ANKRD35: variants seen among roughly 807,000 people sequenced by gnomAD.
The protein encoded by ANKRD35 is ankyrin repeat domain-containing protein 35.
Under a neutral mutation model 109.9 loss-of-function variants are expected in ANKRD35, and 102 were observed. The ratio of observed to expected loss-of-function variants is 0.93; its 90% CI spans 0.79 to 1.09. The LOEUF (loss-of-function observed/expected upper bound fraction) is 1.09. ANKRD35 is among the 50% of genes least tolerant of loss of function. The probability of loss-of-function intolerance (pLI) is 0.00; values close to 1 mark genes in which losing one functional copy is unlikely to be tolerated. For missense variants in ANKRD35, 1,240 were observed against 1,230.1 expected (o/e 1.01, Z -0.12); for synonymous variants, 515 against 512.4 (o/e 1.01, Z -0.07).
Position 145,872,834 on chromosome 1 carries a change from T to C in ANKRD35, c.1935A>G (p.Leu645=), listed in dbSNP as rs1417003591. The C allele has an allele frequency of 6.2e-7, 1 of 1,614,078 alleles. No individual in the cohort carries two copies. The highest frequency in any genetic ancestry group is 2.2e-5 in the East Asian group (1 of 44,874). Residue 645 remains leucine, a synonymous_variant, in exon 10 of 14, where the codon CTA becomes CTG. Coordinates refer to ENST00000355594, the MANE Select transcript of ANKRD35 (RefSeq NM_144698.5). ...GRERQRLQRE[L]QSLSQRLQRE... ...GCTGCAGCCGCTGGCTCAGGGACTG[T>C]AGCTCCCTCTGCAACCTCTGCCGCT...
At chr1:145,885,621 A>G in intron 1 of ANKRD35, 99 bp downstream of exon 1, 2 of 1,385,552 alleles carry the variant, frequency 1.4e-6, no homozygotes, top group Non-Finnish European at 1.0e-6. Context: ...AAAGACTGAT[A>G]AAAAGAAAAG....
Position 145,872,779 on chromosome 1 carries a change from C to A in ANKRD35, c.1990G>T (p.Val664Phe). 1 of 1,614,118 alleles carries A rather than the reference C, an allele frequency of 6.2e-7. No homozygotes were observed. The highest frequency in any genetic ancestry group is 8.5e-7 in the Non-Finnish European group (1 of 1,179,988). The change falls in exon 10 of 14, where the codon GTC becomes TTC. Residue 664 changes from valine to phenylalanine, a missense_variant. By Grantham distance (50) the Val-to-Phe change is conservative. Transcript: ENST00000355594. ...CTCTGTCGCAACTGCTGTAGCTGGA[C>A]CTGCGCCTGTGGCTTGGGCACAAAC... Reference protein sequence around the residue: ...REFVPKPQAQVQLQQLRQSVG... With the variant: ...REFVPKPQAQFQLQQLRQSVG...
Position 145,879,399 on chromosome 1 carries a change from G to C in ANKRD35, c.40-11C>G. The C allele has an allele frequency of 1.3e-6, 2 of 1,539,296 alleles. No individual in the cohort carries two copies. Among genetic ancestry groups the C allele is most frequent in the African/African-American group, 1.4e-5 (1 of 72,074 alleles). ...GTTCCATCTCTCCACCTGGTCCAGAGCCACAGGTTGTGTGAATATAGGGCA... is the reference window on the plus strand; with the variant it reads ...GTTCCATCTCTCCACCTGGTCCAGACCCACAGGTTGTGTGAATATAGGGCA... On this transcript the variant is annotated splice_polypyrimidine_tract_variant and intron_variant, in intron 1 of 13. Coordinates refer to ENST00000355594, the MANE Select transcript of ANKRD35 (RefSeq NM_144698.5).
intron 2 of ANKRD35, 135 bp downstream of exon 2, chr1:145,879,123 A>G (rs1463212934): frequency 2.5e-6 from 3 of 1,199,486 alleles, no homozygotes; most frequent in Non-Finnish European, 1.1e-6. Flanking sequence ...GCAAAAAACT[A>G]TTGATATACT....
Position 145,878,095 on chromosome 1 carries a change from G to A in ANKRD35, c.260-63C>T, listed in dbSNP as rs926602969. 3.5e-6 allele frequency: 5 copies of A among 1,434,282 alleles called. No homozygotes were observed. The Admixed American group carries it at 8.4e-5, about 24-fold the overall frequency. The allele number at this position is 1,434,282 out of a possible 1,614,324, so 88.8% of individuals were successfully genotyped here. On this transcript the variant is annotated intron_variant, in intron 3 of 13. Coordinates refer to ENST00000355594, the MANE Select transcript of ANKRD35 (RefSeq NM_144698.5). ...CCCATGCATGCTGATGACTCACAGG[G>A]AGGGAAGGCAAGAGACGCACAGATA... is the stretch of plus-strand genomic sequence containing the variant.
At position 145,873,243 on chromosome 1, in the gene ANKRD35, G is replaced by A. The variant is rs1653919655; in HGVS notation, c.1526C>T (p.Ala509Val). The A allele has an allele frequency of 6.2e-7, 1 of 1,614,142 alleles. No homozygotes were observed. The highest frequency in any genetic ancestry group is 8.5e-7 in the Non-Finnish European group (1 of 1,180,012). ...LAAVWREKDAARGALSRPVME... is the reference protein window; with the variant it reads ...LAAVWREKDAVRGALSRPVME... ...GACCGGTCTTGACAAAGCCCCCCGG[G>A]CAGCATCCTTTTCTCGCCACACTGC... The change falls in exon 10 of 14, where the codon GCC becomes GTC. Residue 509 changes from alanine (A) to valine (V), a missense_variant. Ala to Val is a moderately conservative substitution (Grantham distance 64). Coordinates refer to ENST00000355594, the MANE Select transcript of ANKRD35 (RefSeq NM_144698.5).
At chr1:145,882,462 AT>A (rs781961496) in intron 1 of ANKRD35, among the ~76,000 whole-genome samples, 2,555 of 140,140 alleles carry the variant, frequency 0.018, 73 homozygotes, top group African/African-American at 0.063. Flanking sequence ...CACCCAGGTA[AT>A]TTTTTTTTTT....
chr1:145,872,990 T>C lies in ANKRD35; in HGVS notation c.1779A>G (p.Gly593=), dbSNP rs1467795933. ...CCCCTCCAAGGGCCCCTAGAGGCTC[T>C]CCTTGAGCCCCAGGAACCCTTTTCT... The part of the protein sequence containing the change: ...EKEKRVPGAQ[G]EPLGALGGEK... The change falls in exon 10 of 14, where the codon GGA becomes GGG. Residue 593 remains glycine, a synonymous_variant. Transcript: ENST00000355594. 2.5e-6 allele frequency: 4 copies of C among 1,610,030 alleles called. No individual in the cohort carries two copies. The African/African-American group carries it at 5.4e-5, about 22-fold the overall frequency.
chr1:145,881,949 C>CTTTTTTTTTTTTTT (rs782253954), intron 1 of ANKRD35, among the ~76,000 whole-genome samples: 3 of 104,636 alleles, frequency 2.9e-5, no homozygotes, highest in Non-Finnish European at 5.7e-5. Context: ...CTTTCCCCTT[C>CTTTTTTTTTTTTTT]TTTTTTTTTT....
At chr1:145,880,910 C>G (rs1414624442) in intron 1 of ANKRD35, among the ~76,000 whole-genome samples, 1 of 152,214 alleles carries the variant, frequency 6.6e-6, no homozygotes, top group Non-Finnish European at 1.5e-5. Flanking sequence ...ATTATTCCAT[C>G]TCTTTGACAG....
intron 1 of ANKRD35, among the ~76,000 whole-genome samples, chr1:145,882,586 G>A (rs1168341538): frequency 6.6e-6 from 1 of 151,996 alleles, no homozygotes; most frequent in African/African-American, 2.4e-5. Flanking sequence ...GAGCCACCAC[G>A]CCTGGCCTGG....
chr1:145,878,307 G>T, intron 3 of ANKRD35, 84 bp downstream of exon 3: 1 of 1,375,118 alleles, frequency 7.3e-7, no homozygotes, highest in Non-Finnish European at 1.0e-6. Flanking sequence ...CAGTAGGAAT[G>T]TCCAGCAGGG....
Position 145,876,723 on chromosome 1 carries a change from T to C in ANKRD35, c.383-84A>G, listed in dbSNP as rs1176664092. The C allele has an allele frequency of 6.2e-6, 10 of 1,607,684 alleles. No homozygotes were observed. The East Asian group carries it at 2.2e-4, about 36-fold the overall frequency. On this transcript the variant is annotated intron_variant, in intron 5 of 13. Coordinates refer to ENST00000355594, the MANE Select transcript of ANKRD35 (RefSeq NM_144698.5). ...CCCAACATCCCCTCCGACCATTTCA[T>C]TGGTTGGCCCTGGCTGCCCTTCCCT...
chr1:145,876,837 G>C lies in ANKRD35; in HGVS notation c.361C>G (p.Arg121Gly), dbSNP rs201520134. 9.3e-6 allele frequency: 15 copies of C among 1,613,968 alleles called. No homozygotes were observed. Among genetic ancestry groups the C allele is most frequent in the African/African-American group, 6.7e-5 (5 of 74,910 alleles). ...ACACCTGCCCAGTGCAATGGACTACGGTTTTCTGCATCCACAGCATCTTCA... is the reference window on the plus strand; with the variant it reads ...ACACCTGCCCAGTGCAATGGACTACCGTTTTCTGCATCCACAGCATCTTCA... Reference protein sequence around the residue: ...ANEDAVDAENRSPLHWAASSG... With the variant: ...ANEDAVDAENGSPLHWAASSG... The change falls in exon 5 of 14, where the codon CGT becomes GGT. Residue 121 changes from arginine (R) to glycine (G), a missense_variant. Coordinates refer to ENST00000355594, the MANE Select transcript of ANKRD35 (RefSeq NM_144698.5).
intron 1 of ANKRD35, among the ~76,000 whole-genome samples, chr1:145,884,298 T>C (rs1359794430): frequency 6.6e-6 from 1 of 152,186 alleles, no homozygotes; most frequent in Non-Finnish European, 1.5e-5. Context: ...GATTGGTTGA[T>C]CAATGTGTGG....
In ANKRD35 at chr1:145,874,173, G is replaced by A. The variant is rs587733369; in HGVS notation, c.765C>T (p.His255=). The change falls in exon 9 of 14, where the codon CAC becomes CAT. Residue 255 remains histidine (H), a synonymous_variant. Transcript: ENST00000355594. Reference sequence around the variant, plus strand: ...GTCTTACCTGGGATGCGAGATCTGGGTGCTGGACTAGCCTCTGACCTATAA... The same window carrying A: ...GTCTTACCTGGGATGCGAGATCTGGATGCTGGACTAGCCTCTGACCTATAA... ...RRRGGQRLVQ[H]PDLASQASPS... 3.7e-6 allele frequency: 6 copies of A among 1,614,102 alleles called. No homozygotes were observed. The East Asian group carries it at 1.3e-4, about 36-fold the overall frequency.
At position 145,872,941 on chromosome 1, in the gene ANKRD35, T is replaced by A; in HGVS notation, c.1828A>T (p.Lys610Ter). The change falls in exon 10 of 14, where the codon AAG becomes TAG. Residue 610 changes from lysine (K) to a stop codon, truncating the protein, a stop_gained. Transcript: ENST00000355594. LOFTEE classifies it high-confidence loss of function. ...GGEKALGGLA[K>*]GQLEKEMSVL... is the part of the protein sequence containing the mutation. Reference sequence around the variant, plus strand: ...GACATCTCCTTCTCCAGCTGTCCCTTTGCCAGGCCTCCTAGGGCCTTTTCC... The same window carrying A: ...GACATCTCCTTCTCCAGCTGTCCCTATGCCAGGCCTCCTAGGGCCTTTTCC... 6.2e-7 allele frequency: 1 copy of A among 1,611,514 alleles called. No homozygotes were observed. Among genetic ancestry groups the A allele is most frequent in the Non-Finnish European group, 8.5e-7 (1 of 1,178,254 alleles).
chr1:145,874,941 C>A lies in ANKRD35; in HGVS notation c.626G>T (p.Gly209Val). ...GCTGTCCACAGCCCCCGCGTCAGCTCCGTGGCTCAGGAGCAGTTCAGCCAC... is the reference window on the plus strand; with the variant it reads ...GCTGTCCACAGCCCCCGCGTCAGCTACGTGGCTCAGGAGCAGTTCAGCCAC... ...AEVAELLLSH[G>V]ADAGAVDSTG... The change falls in exon 8 of 14, where the codon GGA becomes GTA. Residue 209 changes from glycine (G) to valine (V), a missense_variant. Gly to Val is a moderately radical substitution (Grantham distance 109). Coordinates refer to ENST00000355594, the MANE Select transcript of ANKRD35 (RefSeq NM_144698.5). The A allele has an allele frequency of 6.2e-7, 1 of 1,613,398 alleles. No individual in the cohort carries two copies. The highest frequency in any genetic ancestry group is 8.5e-7 in the Non-Finnish European group (1 of 1,179,752).
intron 1 of ANKRD35, among the ~76,000 whole-genome samples, chr1:145,885,271 AG>A (rs1371486361): frequency 6.6e-6 from 1 of 152,122 alleles, no homozygotes; most frequent in Non-Finnish European, 1.5e-5. Flanking sequence ...GCTACGTGGA[AG>A]GCAAGATTGC....
Sources: gnomAD v4.1 joint callset for allele counts (sites outside exome capture counted in the v4.1 genomes callset) on GRCh38, gnomAD v4.1.1 for gene constraint, MANE v1.5 for transcripts, NCBI Gene and HGNC (gene_info 2026-07-23, HGNC 2026-07-21) for gene names.